RENBP: variants seen among roughly 807,000 people sequenced by gnomAD.
The protein encoded by RENBP is N-acylglucosamine 2-epimerase.
Under a neutral mutation model 37.8 loss-of-function variants are expected in RENBP, and 16 were observed. The ratio of observed to expected loss-of-function variants is 0.42; its 90% CI spans 0.29 to 0.64. The LOEUF (loss-of-function observed/expected upper bound fraction) is 0.64, where lower values mean the gene tolerates loss of function less well. Ranked by LOEUF, RENBP falls within the 30% of genes least tolerant of loss-of-function variation. RENBP has a pLI of 0.19. For missense variants in RENBP, 347 were observed against 379.5 expected, an observed-to-expected ratio of 0.91 and a Z score of 0.71; for synonymous variants, 170 against 154.8, an observed-to-expected ratio of 1.10 and a Z score of -0.73.
intron 7 of RENBP, 107 bp downstream of exon 7, chrX:153,941,843 T>G: frequency 1.2e-6 from 1 of 819,484 alleles, no homozygotes; most frequent in Non-Finnish European, 1.8e-6. Flanking sequence ...CTCGCTCCTC[T>G]GCCTCCTCAA....
chrX:153,936,026 G>C (rs1557108449), intron 9 of RENBP: 1 of 194,411 alleles, frequency 5.1e-6, no homozygotes, highest in Non-Finnish European at 9.7e-6. Context: ...CAGTATACTC[G>C]GGAGGCTGAG....
intron 9 of RENBP, among the ~76,000 whole-genome samples, chrX:153,936,422 C>T (rs1173925550): frequency 8.8e-5 from 9 of 101,697 alleles, no homozygotes; most frequent in Non-Finnish European, 1.6e-4. Context: ...AGGAGAATGG[C>T]GTGAACCCGG....
intron 3 of RENBP, 41 bp downstream of exon 3, chrX:153,944,039 A>ATGGGCC (rs782816311): frequency 8.3e-7 from 1 of 1,205,310 alleles, no homozygotes; most frequent in Non-Finnish European, 1.1e-6. Context: ...CTTTGAGGCG[A>ATGGGCC]TGGGCCGTGT....
intron 6 of RENBP, 92 bp downstream of exon 6, chrX:153,942,758 AATCTC>A: frequency 2.8e-6 from 2 of 718,131 alleles, no homozygotes; most frequent in South Asian, 4.6e-5. Flanking sequence ...GACATCCCCG[AATCTC>A]TGTCTCTCCA....
chrX:153,941,427 A>AGG (rs2065225524), intron 8 of RENBP, 51 bp downstream of exon 8: 1 of 1,171,114 alleles, frequency 8.5e-7, no homozygotes, highest in Non-Finnish European at 1.2e-6. Context: ...CTCCCTGGGC[A>AGG]GAAAGCCTTA....
chrX:153,940,613 G>T (rs1391797217), intron 8 of RENBP, among the ~76,000 whole-genome samples: 1 of 111,143 alleles, frequency 9.0e-6, no homozygotes, highest in East Asian at 2.8e-4. Context: ...TGAGATATGA[G>T]GTCGGCACAA....
intron 7 of RENBP, 23 bp from the exon 8 acceptor site, chrX:153,941,676 AGGGCGGG>A (rs782617927): frequency 4.3e-5 from 5 of 116,943 alleles, no homozygotes; most frequent in African/African-American, 1.2e-4. Flanking sequence ...GGAGTACGGA[AGGGCGGG>A]GGGCGGGGGG....
chrX:153,935,951 G>A, intron 9 of RENBP: 4 of 212,563 alleles, frequency 1.9e-5, no homozygotes, highest in Middle Eastern at 3.2e-3. Context: ...ACAACATGGT[G>A]AAACCTCATC....
chrX:153,939,980 G>T, intron 9 of RENBP, 122 bp downstream of exon 9: 3 of 892,763 alleles, frequency 3.4e-6, no homozygotes, highest in Non-Finnish European at 4.8e-6. Flanking sequence ...CAGCACTGGG[G>T]CTCCGGAAAC....
At chrX:153,937,197 A>AAAATAAATAAATAAATAAAT (rs35246509) in intron 9 of RENBP, 3 of 106,287 alleles carry the variant, frequency 2.8e-5, no homozygotes, top group Admixed American at 1.2e-4. Flanking sequence ...CCCTGTCTCA[A>AAAATAAATAAATAAATAAAT]AAATAAATAA....
intron 9 of RENBP, 79 bp from the exon 10 acceptor site, chrX:153,935,655 C>T (rs2065196648): frequency 1.3e-6 from 1 of 791,145 alleles, no homozygotes; most frequent in Non-Finnish European, 1.9e-6. Flanking sequence ...GGGGTCAGAG[C>T]CTGGGTTGAC....
rs782029136 is a variant in RENBP at position 153,937,692 on chromosome X, A to C, written c.1078-2116T>G. ...CCAGGCTGGAGTGCTTCCCGGGTTC[A>C]AGTGATTCTCCTGCCTCAGTCTCCC... On this transcript the variant is annotated intron_variant, in intron 9 of 10. Coordinates refer to ENST00000393700, the MANE Select transcript of RENBP (RefSeq NM_002910.6). Among the ~76,000 whole-genome samples the C allele has an allele frequency of 8.4e-5, 9 of 106,633 alleles. No individual in the cohort carries two copies. In the East Asian group the frequency reaches 2.3e-3, roughly 27 times the overall value. 92.6% of individuals were successfully genotyped at this position (106,633 alleles called of 115,157 possible).
chrX:153,941,929 CCAG>C lies in RENBP; in HGVS notation c.769+18_769+20del. 1.4e-6 allele frequency: 1 copy of C among 698,456 alleles called. No homozygotes were observed. The highest frequency in any genetic ancestry group is 2.3e-6 in the Non-Finnish European group (1 of 432,009). 57.6% of individuals were successfully genotyped at this position (698,456 alleles called of 1,213,427 possible). Reference sequence around the variant, plus strand: ...GCGCTCCCCTCCTCCTGGGTGGCCCCCAGCCCACCCCGCCCCTCACCTGGGTTC... The same window carrying C: ...GCGCTCCCCTCCTCCTGGGTGGCCCCCCCACCCCGCCCCTCACCTGGGTTC... On this transcript the variant is annotated intron_variant, in intron 7 of 10. Transcript: ENST00000393700.
chrX:153,943,640 C>A lies in RENBP; in HGVS notation c.368G>T (p.Arg123Leu). 1.7e-6 allele frequency: 2 copies of A among 1,211,186 alleles called. No homozygotes were observed. The highest frequency in any genetic ancestry group is 2.2e-6 in the Non-Finnish European group (2 of 895,318). ...KCAFVLTRDG[R>L]PVKVQRTIFS... ...GATGGTTCGCTGCACCTTGACCGGG[C>A]GGCCGTCCCGAGTCAGCACAAAGGC... The change falls in exon 5 of 11, where the codon CGC (arginine) becomes CTC (leucine). Residue 123 changes from arginine to leucine, a missense_variant. Arg to Leu is a moderately radical substitution (Grantham distance 102). Transcript: ENST00000393700.
In RENBP at chrX:153,940,169, T is replaced by A; in HGVS notation, c.1010A>T (p.Tyr337Phe). ...CAGCACAGGGTCCCCACTGTCACTGTAACCCATGAGGAAGGCAATCATGGC... is the reference window on the plus strand; with the variant it reads ...CAGCACAGGGTCCCCACTGTCACTGAAACCCATGAGGAAGGCAATCATGGC... ...SEAMIAFLMG[Y>F]SDSGDPVLLR... Residue 337 changes from tyrosine to phenylalanine, a missense_variant, in exon 9 of 11, where the codon TAC (tyrosine) becomes TTC (phenylalanine). Around this residue, in one of 3 missense-constraint regions of RENBP, gnomAD observed 12 missense variants for 32.5 expected, o/e 0.37. Transcript: ENST00000393700. The A allele has an allele frequency of 1.7e-6, 2 of 1,210,859 alleles. No homozygotes were observed. The highest frequency in any genetic ancestry group is 2.2e-6 in the Non-Finnish European group (2 of 895,124).
chrX:153,935,823 T>TG (rs1332587954), intron 9 of RENBP, among the ~76,000 whole-genome samples: 1 of 112,931 alleles, frequency 8.9e-6, no homozygotes, highest in African/African-American at 3.2e-5. Context: ...AACTCTGCCC[T>TG]GGGGTGTAGA....
rs782356764 is a variant in RENBP at position 153,941,591 on chromosome X, G to A, written c.832C>T (p.Leu278Phe). 7.5e-6 allele frequency: 9 copies of A among 1,205,200 alleles called. No homozygotes were observed. The highest frequency in any genetic ancestry group is 1.0e-5 in the Non-Finnish European group (9 of 893,786). The change falls in exon 8 of 11, where the codon CTT becomes TTT. Residue 278 changes from leucine to phenylalanine, a missense_variant. Transcript: ENST00000393700. ...RHCIRKGDPE[L>F]RAHVIDKFLL... The stretch of plus-strand genomic sequence containing the variant: ...AACTTGTCAATCACGTGGGCTCGAA[G>A]TTCGGGGTCGCCTTTCCGAATGCAA...
chrX:153,941,139 CAAAAAAAAAAA>C (rs56158998), intron 8 of RENBP, among the ~76,000 whole-genome samples: 5 of 25,933 alleles, frequency 1.9e-4, no homozygotes, highest in South Asian at 5.6e-3. Flanking sequence ...AACTCCACCT[CAAAAAAAAAAA>C]AAAAAAAAAA....
intron 8 of RENBP, among the ~76,000 whole-genome samples, chrX:153,940,504 AAACCAGAG>A (rs1557109354): frequency 1.8e-5 from 2 of 111,887 alleles, no homozygotes; most frequent in Non-Finnish European, 3.8e-5. Context: ...AGAGGTGTGT[AAACCAGAG>A]CAACTCCATC....
Sources: allele counts gnomAD v4.1 joint callset (sites outside exome capture counted in the v4.1 genomes callset), GRCh38; gene constraint gnomAD v4.1.1; regional missense constraint gnomAD v4.1.1; transcripts MANE v1.5; gene names NCBI Gene and HGNC (gene_info 2026-07-23, HGNC 2026-07-21).